The following MCF2L variants were observed in gnomAD, a reference collection of about 807,000 sequenced individuals.
The protein encoded by MCF2L is MCF.2 cell line derived transforming sequence like, also known as guanine nucleotide exchange factor DBS.
Under a neutral mutation model 153.4 loss-of-function variants are expected in MCF2L, and 97 were observed. The observed-to-expected ratio is 0.63, with a 90% CI of 0.54 to 0.75. The LOEUF (loss-of-function observed/expected upper bound fraction) is 0.75. Among genes scored for constraint, MCF2L ranks in the 30% least tolerant of loss-of-function variants. The pLI, the probability that MCF2L is intolerant of heterozygous loss-of-function variation, is 0.00. For missense variants in MCF2L, 1,347 were observed against 1,495.2 expected, an observed-to-expected ratio of 0.90 and a Z score of 1.64; for synonymous variants, 659 against 632.2, an observed-to-expected ratio of 1.04 and a Z score of -0.64.
At chr13:113,020,111 T>C (rs1457813273) in intron 2 of MCF2L, among the ~76,000 whole-genome samples, 4 of 152,236 alleles carry the variant, frequency 2.6e-5, no homozygotes, top group Non-Finnish European at 5.9e-5. Context: ...CTTCTTGATG[T>C]CATCTCCACA....
intron 8 of MCF2L, 149 bp from the exon 9 acceptor site, chr13:113,069,910 A>T: frequency 1.9e-6 from 1 of 525,142 alleles, no homozygotes; most frequent in Non-Finnish European, 3.3e-6. Flanking sequence ...CGCAGATCCC[A>T]GGTTTAGGTG....
At chr13:113,060,848 G>A in intron 5 of MCF2L, 136 bp downstream of exon 5, 3 of 1,207,714 alleles carry the variant, frequency 2.5e-6, no homozygotes, top group Non-Finnish European at 2.3e-6. Context: ...GACCTGGCGG[G>A]AAGTTGCACC....
At chr13:113,049,026 G>A (rs60861777) in intron 4 of MCF2L, among the ~76,000 whole-genome samples, 5,835 of 148,826 alleles carry the variant, frequency 0.039, 206 homozygotes, top group East Asian at 0.18. Flanking sequence ...CCTGTCCCCA[G>A]GCCCCTGCTA....
At position 113,088,543 on chromosome 13, in the gene MCF2L, G is replaced by C. The variant is rs760960049; in HGVS notation, c.2768-19G>C. 1.9e-6 allele frequency: 3 copies of C among 1,611,484 alleles called. No individual in the cohort carries two copies. The highest frequency in any genetic ancestry group is 2.5e-6 in the Non-Finnish European group (3 of 1,179,654). ...GTAAAGACGCTCGTTCACGTGGTTT[G>C]TCTGCTCCCTCCTCGCAGAAGCCAG... On this transcript the variant is annotated intron_variant, in intron 24 of 29. Transcript: ENST00000535094.
chr13:113,075,114 C>T lies in MCF2L; in HGVS notation c.1233C>T (p.Asp411=). Residue 411 remains aspartate (D), a synonymous_variant, in exon 11 of 30, where the codon GAC becomes GAT. Transcript: ENST00000535094. ...GCCAGGAGCTCCGGCACCTCTGTGA[C>T]CAGTTCTCTGCGGAGATCGCAAGGA... ...PKCQELRHLC[D]QFSAEIARRR... is the part of the protein sequence containing the mutation. 6.2e-7 allele frequency: 1 copy of T among 1,613,608 alleles called. No homozygotes were observed. The highest frequency in any genetic ancestry group is 2.2e-5 in the East Asian group (1 of 44,836).
At chr13:112,926,730 T>C (rs548509124) in intron 2 of MCF2L, among the ~76,000 whole-genome samples, 20 of 152,124 alleles carry the variant, frequency 1.3e-4, no homozygotes, top group Non-Finnish European at 2.5e-4. Flanking sequence ...AAATCCTGCA[T>C]GTTCTCACTT....
rs893124237 is a variant in MCF2L at position 113,074,056 on chromosome 13, C to G, written c.997-388C>G. ...TTACATAACTCTCCACACCTAGGATCCAGTAGGAATGCTGACAATTCCAGT... is the reference window on the plus strand; with the variant it reads ...TTACATAACTCTCCACACCTAGGATGCAGTAGGAATGCTGACAATTCCAGT... On this transcript the variant is annotated intron_variant, in intron 9 of 29. Transcript: ENST00000535094. The surrounding 1 kb of genome is among the most constrained non-coding windows in gnomAD (Gnocchi z 4.2). Among the ~76,000 whole-genome samples the G allele has an allele frequency of 6.6e-6, 1 of 152,210 alleles. No homozygotes were observed. The highest frequency in any genetic ancestry group is 2.4e-5 in the African/African-American group (1 of 41,454).
chr13:112,998,037 C>T (rs767329839), intron 1 of MCF2L, among the ~76,000 whole-genome samples: 161 of 152,224 alleles, frequency 1.1e-3, no homozygotes, highest in Middle Eastern at 3.2e-3. Flanking sequence ...CTTTGTGTTG[C>T]ACTTCACTGA....
chr13:112,970,018 G>A (rs1025385669), intron 1 of MCF2L, among the ~76,000 whole-genome samples: 4 of 152,166 alleles, frequency 2.6e-5, no homozygotes, highest in African/African-American at 9.7e-5. Flanking sequence ...CTTCAAATAA[G>A]CTTTGAAGAG....
rs575823549 is a variant in MCF2L, at chr13:113,045,766, C to G, written c.369+405C>G. The G allele has an allele frequency of 4.1e-6, 1 of 243,642 alleles. No homozygotes were observed. Among genetic ancestry groups the G allele is most frequent in the Non-Finnish European group, 8.2e-6 (1 of 121,626 alleles). 15.1% of individuals were successfully genotyped at this position (243,642 alleles called of 1,614,324 possible). ...GAACGAGCCACCACCGCCTCCCTTC[C>G]CCAGTGGGATTGAACATGCACTTCC... On this transcript the variant is annotated intron_variant, in intron 4 of 29. Coordinates refer to ENST00000535094, the MANE Select transcript of MCF2L (RefSeq NM_001112732.3). The surrounding 1 kb of genome is among the most constrained non-coding windows in gnomAD (Gnocchi z 4.2).
At chr13:113,001,727 C>T (rs979457827) in intron 1 of MCF2L, 21 of 1,359,978 alleles carry the variant, frequency 1.5e-5, no homozygotes, top group East Asian at 6.1e-5. Context: ...GACATCGAAT[C>T]GGAGGCCCTG....
At chr13:113,084,654 G>T in intron 18 of MCF2L, 1 of 572,242 alleles carries the variant, frequency 1.7e-6, no homozygotes, top group Non-Finnish European at 3.1e-6. Context: ...TGTGCTCTGG[G>T]AAGTCAGGGG....
In MCF2L at chr13:112,925,202, T is replaced by C. The variant is rs2081390278; in HGVS notation, c.169+22831T>C. On this transcript the variant is annotated intron_variant, in intron 2 of 29. Coordinates refer to the MCF2L transcript ENST00000375608. The stretch of plus-strand genomic sequence containing the variant: ...ACATTAAAACCACAATAGGGTACCA[T>C]TCTTCGTCCACCAGAGTGGCTAAAA... 2.6e-5 allele frequency among the ~76,000 whole-genome samples: 4 copies of C among 152,236 alleles called. No homozygotes were observed. The South Asian group carries it at 8.3e-4, about 31-fold the overall frequency.
At chr13:112,981,208 G>T (rs1210466566) in intron 1 of MCF2L, among the ~76,000 whole-genome samples, 1 of 152,174 alleles carries the variant, frequency 6.6e-6, no homozygotes, top group Non-Finnish European at 1.5e-5. Flanking sequence ...CTGTGCCTGA[G>T]AACTCCTGAG....
intron 1 of MCF2L, among the ~76,000 whole-genome samples, chr13:112,978,589 A>G (rs2082293142): frequency 6.6e-6 from 1 of 152,200 alleles, no homozygotes; most frequent in South Asian, 2.1e-4. Context: ...AGGACATGGT[A>G]GGCAGGGACC....
intron 1 of MCF2L, among the ~76,000 whole-genome samples, chr13:113,006,881 G>A (rs1255473392): frequency 6.6e-6 from 1 of 152,236 alleles, no homozygotes; most frequent in African/African-American, 2.4e-5. Flanking sequence ...GTGGCGGGGT[G>A]TGGGGAGGCA....
At chr13:112,945,386 A>C (rs1476527696) in intron 2 of MCF2L, among the ~76,000 whole-genome samples, 1 of 152,208 alleles carries the variant, frequency 6.6e-6, no homozygotes, top group African/African-American at 2.4e-5. Context: ...GCAGAGGGGG[A>C]GTATACGAGG....
Position 113,027,567 on chromosome 13 carries a change from C to T in MCF2L, c.278+2809C>T, listed in dbSNP as rs147390069. Among the ~76,000 whole-genome samples the T allele has an allele frequency of 6.6e-6, 1 of 152,272 alleles. No homozygotes were observed. The highest frequency in any genetic ancestry group is 1.9e-4 in the East Asian group (1 of 5,174). Reference sequence around the variant, plus strand: ...TGTCTGTTGTGAGAATCTTGCACCCCCTATGCGCCAGGCTCTGCTGGCTGA... The same window carrying T: ...TGTCTGTTGTGAGAATCTTGCACCCTCTATGCGCCAGGCTCTGCTGGCTGA... On this transcript the variant is annotated intron_variant, in intron 3 of 29. Transcript: ENST00000535094. The surrounding 1 kb of genome is among the most constrained non-coding windows in gnomAD (Gnocchi z 4.8).
At chr13:112,990,328 A>T (rs1221355537) in intron 1 of MCF2L, among the ~76,000 whole-genome samples, 1 of 152,218 alleles carries the variant, frequency 6.6e-6, no homozygotes, top group African/African-American at 2.4e-5. Flanking sequence ...CTGCAGTGTC[A>T]GGTAAGTTCG....
Sources: allele counts gnomAD v4.1 joint callset (sites outside exome capture counted in the v4.1 genomes callset), GRCh38; gene constraint gnomAD v4.1.1; non-coding constraint Gnocchi (gnomAD v3.1); transcripts MANE v1.5; gene names NCBI Gene and HGNC (gene_info 2026-07-23, HGNC 2026-07-21).